Variants in HDAC8 observed in about 807,000 individuals in gnomAD.
The protein encoded by HDAC8 is histone deacetylase-like 1.
Under a neutral mutation model 32.2 loss-of-function variants are expected in HDAC8, and 1 was observed. The ratio of observed to expected loss-of-function variants is 0.03; its 90% CI spans 0.01 to 0.15. The LOEUF (loss-of-function observed/expected upper bound fraction) is 0.15, where lower values mean the gene tolerates loss of function less well. HDAC8 is among the 10% of genes least tolerant of loss of function. The pLI, the probability that HDAC8 is intolerant of heterozygous loss-of-function variation, is 1.00. For synonymous variants in HDAC8, 108 were observed against 113.9 expected (o/e 0.95, Z 0.33); for missense variants, 117 against 300.0 (o/e 0.39, Z 4.51).
intron 9 of HDAC8, among the ~76,000 whole-genome samples, chrX:72,459,405 C>T (rs950436982): frequency 2.7e-5 from 3 of 110,796 alleles, no homozygotes; most frequent in African/African-American, 3.3e-5. Context: ...AAGTAGGGAA[C>T]GGGCATTTGG....
intron 6 of HDAC8, among the ~76,000 whole-genome samples, chrX:72,490,093 T>C (rs1156303511): frequency 9.1e-6 from 1 of 109,989 alleles, no homozygotes; most frequent in Non-Finnish European, 1.9e-5. Context: ...CATTAAAAAG[T>C]CAGGAAACAA....
At chrX:72,526,448 C>A (rs1428703523) in intron 4 of HDAC8, among the ~76,000 whole-genome samples, 8 of 110,967 alleles carry the variant, frequency 7.2e-5, no homozygotes, top group African/African-American at 2.6e-4. Flanking sequence ...ACTGCCTTAT[C>A]GTGGTTTGTT....
At chrX:72,336,100 CA>C (rs2043678199) in intron 10 of HDAC8, among the ~76,000 whole-genome samples, 1 of 111,023 alleles carries the variant, frequency 9.0e-6, no homozygotes, top group South Asian at 3.8e-4. Context: ...AAGAAAATAC[CA>C]AAATGTCTTC....
intron 9 of HDAC8, among the ~76,000 whole-genome samples, chrX:72,442,155 C>A (rs1285925907): frequency 9.1e-6 from 1 of 110,431 alleles, no homozygotes; most frequent in Non-Finnish European, 1.9e-5. Flanking sequence ...GTAAGGCAGG[C>A]CAACATTCAG....
chrX:72,452,538 C>A (rs1236249646), intron 9 of HDAC8, among the ~76,000 whole-genome samples: 1 of 111,664 alleles, frequency 9.0e-6, no homozygotes, highest in Admixed American at 9.5e-5. Flanking sequence ...TTGAAGAGAT[C>A]TCACTGAATA....
At chrX:72,458,984 C>A (rs929178917) in intron 9 of HDAC8, among the ~76,000 whole-genome samples, 1 of 111,817 alleles carries the variant, frequency 8.9e-6, no homozygotes, top group African/African-American at 3.3e-5. Context: ...GCAAATTTTT[C>A]ACTGGTCCCA....
intron 4 of HDAC8, among the ~76,000 whole-genome samples, chrX:72,544,752 G>T (rs2050809354): frequency 8.9e-6 from 1 of 111,895 alleles, no homozygotes; most frequent in Non-Finnish European, 1.9e-5. Flanking sequence ...GATTTAGAAG[G>T]TTCCAGACTA....
intron 4 of HDAC8, among the ~76,000 whole-genome samples, chrX:72,544,536 G>C (rs1462256734): frequency 9.0e-6 from 1 of 111,335 alleles, no homozygotes; most frequent in African/African-American, 3.3e-5. Context: ...CTTCCTAGGA[G>C]ACTTCATTTC....
At chrX:72,417,490 T>A (rs1333357322) in intron 9 of HDAC8, among the ~76,000 whole-genome samples, 2 of 111,084 alleles carry the variant, frequency 1.8e-5, no homozygotes, top group African/African-American at 6.5e-5. Flanking sequence ...AGGAATAAAA[T>A]ATCTAGGAAT....
Position 72,329,856 on chromosome X carries a change from C to A in HDAC8, c.*198G>T. On this transcript the variant is annotated 3_prime_UTR_variant, in exon 11 of 11. Coordinates refer to ENST00000373573, the MANE Select transcript of HDAC8 (RefSeq NM_018486.3). ...GGGATATCTCCTTCTTCCCCTAGGT[C>A]CAGTTGAGGACTCTGGGGTGCCTGC... 1.1e-6 allele frequency: 1 copy of A among 891,997 alleles called. No individual in the cohort carries two copies. The highest frequency in any genetic ancestry group is 1.6e-6 in the Non-Finnish European group (1 of 634,719). 73.5% of individuals were successfully genotyped at this position (891,997 alleles called of 1,213,427 possible). A position where few individuals can be genotyped will look rare whatever the true frequency, so the allele number is the denominator to read the frequency against.
chrX:72,402,417 T>C (rs1211180637), intron 9 of HDAC8, among the ~76,000 whole-genome samples: 1 of 88,849 alleles, frequency 1.1e-5, no homozygotes, highest in African/African-American at 6.7e-5. Flanking sequence ...TCTTTTCTTT[T>C]TTTTTTTTTT....
At chrX:72,388,952 G>C (rs782109990) in intron 9 of HDAC8, among the ~76,000 whole-genome samples, 1 of 112,057 alleles carries the variant, frequency 8.9e-6, no homozygotes, top group Non-Finnish European at 1.9e-5. Context: ...AATTTCTGTT[G>C]TTTAAACCAT....
chrX:72,541,944 T>TGTCA (rs1556043384), intron 4 of HDAC8, among the ~76,000 whole-genome samples: 2 of 112,061 alleles, frequency 1.8e-5, no homozygotes, highest in Non-Finnish European at 3.8e-5. Flanking sequence ...GATTTCTCTC[T>TGTCA]GTCACAAATC....
intron 9 of HDAC8, among the ~76,000 whole-genome samples, chrX:72,396,046 GA>G (rs1555965535): frequency 8.9e-6 from 1 of 111,770 alleles, no homozygotes; most frequent in African/African-American, 3.3e-5. Context: ...GGACTGAGGA[GA>G]AATTTGAGTG....
chrX:72,490,158 C>A (rs1200027701), intron 6 of HDAC8, among the ~76,000 whole-genome samples: 1 of 109,646 alleles, frequency 9.1e-6, no homozygotes, highest in Non-Finnish European at 1.9e-5. Flanking sequence ...GTTGGTGGGA[C>A]TGTAAACTAG....
At chrX:72,535,684 A>G (rs2050499996) in intron 4 of HDAC8, among the ~76,000 whole-genome samples, 1 of 112,134 alleles carries the variant, frequency 8.9e-6, no homozygotes, top group African/African-American at 3.2e-5. Context: ...ATTCAGGAAT[A>G]TATTCCTGAA....
Position 72,403,638 on chromosome X carries a change from C to T in HDAC8, c.1006-51800G>A, listed in dbSNP as rs181751178. Among the ~76,000 whole-genome samples, 679 of 111,381 alleles carry T rather than the reference C, an allele frequency of 6.1e-3. 5 individuals are homozygous for T. Among genetic ancestry groups the T allele is most frequent in the African/African-American group, 0.022 (659 of 30,629 alleles). On this transcript the variant is annotated intron_variant, in intron 9 of 10. Coordinates refer to ENST00000373573, the MANE Select transcript of HDAC8 (RefSeq NM_018486.3). ...GGTCAGGAGTTTGAGACCAGCCTGG[C>T]AAATATGGTGAAACGCCGTCTCTAC...
Position 72,456,553 on chromosome X carries a change from C to A in HDAC8, c.1005+5451G>T, listed in dbSNP as rs972894084. On this transcript the variant is annotated intron_variant, in intron 9 of 10. Transcript: ENST00000373573. ...GTGGCTCACACCTGTAATCCCAGCACTTTGGGAGGCCAAGGCAGGCGAATT... is the reference window on the plus strand; with the variant it reads ...GTGGCTCACACCTGTAATCCCAGCAATTTGGGAGGCCAAGGCAGGCGAATT... 2.7e-5 allele frequency among the ~76,000 whole-genome samples: 3 copies of A among 111,665 alleles called. 1 individual carries two copies. Among genetic ancestry groups the A allele is most frequent in the Non-Finnish European group, 3.8e-5 (2 of 53,180 alleles).
intron 4 of HDAC8, among the ~76,000 whole-genome samples, chrX:72,557,898 G>A (rs782793648): frequency 8.9e-6 from 1 of 111,875 alleles, no homozygotes; most frequent in East Asian, 2.8e-4. Context: ...AATGAAATGG[G>A]AGATATTACA....
Sources: allele counts gnomAD v4.1 joint callset (sites outside exome capture counted in the v4.1 genomes callset), GRCh38; gene constraint gnomAD v4.1.1; transcripts MANE v1.5; gene names NCBI Gene and HGNC (gene_info 2026-07-23, HGNC 2026-07-21).